PPP1R14A: variants seen among roughly 807,000 people sequenced by gnomAD.
PPP1R14A encodes the protein protein phosphatase 1 regulatory subunit 14A.
In PPP1R14A, 9 loss-of-function variants were observed where a neutral mutation model predicts 14.1. The observed-to-expected ratio is 0.64, with a 90% CI of 0.38 to 1.11. The LOEUF (loss-of-function observed/expected upper bound fraction) is 1.11, where lower values mean the gene tolerates loss of function less well. Ranked by LOEUF, PPP1R14A falls within the 50% of genes most tolerant of loss-of-function variation. PPP1R14A has a pLI of 0.01. For synonymous variants in PPP1R14A, 93 were observed against 88.7 expected, an observed-to-expected ratio of 1.05 and a Z score of -0.27; for missense variants, 208 against 200.7, an observed-to-expected ratio of 1.04 and a Z score of -0.22.
chr19:38,252,309 G>C lies in PPP1R14A; in HGVS notation c.312C>G (p.Val104=), dbSNP rs139659393. The stretch of plus-strand genomic sequence containing the variant: ...GAATGAGGGAGAGAAAACTCACCTC[G>C]ACAGGTTTCCCACATGACTTCAGGA... ...QGLLKSCGKP[V]EDFIQELLAK... The change falls in exon 3 of 4, where the codon GTC becomes GTG. Residue 104 remains valine, a synonymous_variant. Transcript: ENST00000301242. This position sits in a 1 kb window ranked among gnomAD's most constrained non-coding sequence, Gnocchi z 4.1. 3.7e-6 allele frequency: 6 copies of C among 1,612,072 alleles called. No homozygotes were observed. Among genetic ancestry groups the C allele is most frequent in the Non-Finnish European group, 1.7e-6 (2 of 1,179,202 alleles).
At chr19:38,253,720 C>T (rs1010784796) in intron 1 of PPP1R14A, among the ~76,000 whole-genome samples, 11 of 152,212 alleles carry the variant, frequency 7.2e-5, no homozygotes, top group Admixed American at 2.0e-4. Flanking sequence ...ACCCAAAGTC[C>T]GGCTGTCGGC....
chr19:38,252,439 T>G lies in PPP1R14A; in HGVS notation c.283-101A>C, dbSNP rs1381238267. 1.7e-6 allele frequency: 2 copies of G among 1,208,346 alleles called. No individual in the cohort carries two copies. Among genetic ancestry groups the G allele is most frequent in the African/African-American group, 3.0e-5 (2 of 66,594 alleles). 74.9% of individuals were successfully genotyped at this position (1,208,346 alleles called of 1,614,324 possible). A position where few individuals can be genotyped will look rare whatever the true frequency, so the allele number is the denominator to read the frequency against. On this transcript the variant is annotated intron_variant, in intron 2 of 3. Transcript: ENST00000301242. This position sits in a 1 kb window ranked among gnomAD's most constrained non-coding sequence, Gnocchi z 4.1. ...CAAAAGGCCCCAGCAGCAAGACAAA[T>G]GGAAGTCAGACTCCAGGGTGGACTG... is the stretch of plus-strand genomic sequence containing the variant.
chr19:38,253,735 G>A (rs1022975368), intron 1 of PPP1R14A, among the ~76,000 whole-genome samples: 1 of 152,216 alleles, frequency 6.6e-6, no homozygotes, highest in Non-Finnish European at 1.5e-5. Context: ...GTCGGCTTCA[G>A]GCCTGGGGCT....
rs1272451252 is a variant in PPP1R14A at position 38,256,080 on chromosome 19, GGTCTCCGCGCCCGGGCTCTATCT to G, written c.201+36_201+58del. The G allele has an allele frequency of 3.5e-6, 5 of 1,444,220 alleles. No individual in the cohort carries two copies. The highest frequency in any genetic ancestry group is 4.6e-6 in the Non-Finnish European group (5 of 1,080,934). The allele number at this position is 1,444,220 out of a possible 1,614,324, so 89.5% of individuals were successfully genotyped here. A position where few individuals can be genotyped will look rare whatever the true frequency, so the allele number is the denominator to read the frequency against. On this transcript the variant is annotated intron_variant, in intron 1 of 3. Coordinates refer to ENST00000301242, the MANE Select transcript of PPP1R14A (RefSeq NM_033256.3). This position sits in a 1 kb window ranked among gnomAD's most constrained non-coding sequence, Gnocchi z 5.7. The stretch of plus-strand genomic sequence containing the variant: ...GTGCACCGAGACCCCAAGGGCGTGG[GGTCTCCGCGCCCGGGCTCTATCT>G]GTCCCCGACCACCCCCGAGCCCTCC...
intron 1 of PPP1R14A, among the ~76,000 whole-genome samples, chr19:38,255,533 T>C (rs1968237177): frequency 6.6e-6 from 1 of 151,972 alleles, no homozygotes; most frequent in African/African-American, 2.4e-5. Context: ...TGTGTTCCAG[T>C]GGGGTTGTGC....
Position 38,252,914 on chromosome 19 carries a change from C to T in PPP1R14A, c.262G>A (p.Glu88Lys), listed in dbSNP as rs770813027. ...CCTACCTGGATTTTCCGGCTTCTCT[C>T]CTCTTCACTCTCTAACTCCAACAAT... ...DELLELESEEERSRKIQGLLK... is the reference protein window; with the variant it reads ...DELLELESEEKRSRKIQGLLK... Residue 88 changes from glutamate to lysine, a missense_variant, in exon 2 of 4, where the codon GAG (glutamate) becomes AAG (lysine). Transcript: ENST00000301242. This position sits in a 1 kb window ranked among gnomAD's most constrained non-coding sequence, Gnocchi z 4.1. 1 of 1,613,906 alleles carries T rather than the reference C, an allele frequency of 6.2e-7. No individual in the cohort carries two copies. The highest frequency in any genetic ancestry group is 8.5e-7 in the Non-Finnish European group (1 of 1,179,898).
Position 38,251,358 on chromosome 19 carries a change from A to T in PPP1R14A, c.404T>A (p.Leu135His). 6.5e-7 allele frequency: 1 copy of T among 1,549,434 alleles called. No individual in the cohort carries two copies. Among genetic ancestry groups the T allele is most frequent in the African/African-American group, 1.4e-5 (1 of 70,336 alleles). ...CCGGGCCCGGTCCTGGAGGGGGCTG[A>T]GGCTGCCGTCGTGGGAGGGGCTTGG... ...RQPSPSHDGS[L>H]SPLQDRARTA... is the part of the protein sequence containing the mutation. Residue 135 changes from leucine (L) to histidine (H), a missense_variant, in exon 4 of 4, where the codon CTC (leucine) becomes CAC (histidine). Transcript: ENST00000301242.
At chr19:38,251,559 G>A in intron 3 of PPP1R14A, 113 bp from the exon 4 acceptor site, 3 of 801,748 alleles carry the variant, frequency 3.7e-6, no homozygotes, top group Non-Finnish European at 5.6e-6. Context: ...ATTGTGGGGT[G>A]GGGGGAGTTA....
In PPP1R14A at chr19:38,256,350, G is replaced by A; in HGVS notation, c.-11C>T. 2.7e-6 allele frequency: 4 copies of A among 1,455,262 alleles called. No individual in the cohort carries two copies. The highest frequency in any genetic ancestry group is 3.6e-6 in the Non-Finnish European group (4 of 1,109,736). The allele number at this position is 1,455,262 out of a possible 1,614,324, so 90.1% of individuals were successfully genotyped here. On this transcript the variant is annotated 5_prime_UTR_variant, in exon 1 of 4. Coordinates refer to ENST00000301242, the MANE Select transcript of PPP1R14A (RefSeq NM_033256.3). This position sits in a 1 kb window ranked among gnomAD's most constrained non-coding sequence, Gnocchi z 5.7. The stretch of plus-strand genomic sequence containing the variant: ...CCGCTGAGCTGCCATCGCGCTGCTG[G>A]ACCCAGCCTGGCCCCGCGCTGTGCG...
At position 38,251,324 on chromosome 19, in the gene PPP1R14A, G is replaced by A; in HGVS notation, c.438C>T (p.His146=). 6.7e-7 allele frequency: 1 copy of A among 1,502,824 alleles called. No individual in the cohort carries two copies. Among genetic ancestry groups the A allele is most frequent in the South Asian group, 1.4e-5 (1 of 73,326 alleles). 93.1% of individuals were successfully genotyped at this position (1,502,824 alleles called of 1,614,324 possible). The change falls in exon 4 of 4, where the codon CAC becomes CAT. Residue 146 remains histidine, a synonymous_variant. Coordinates refer to ENST00000301242, the MANE Select transcript of PPP1R14A (RefSeq NM_033256.3). ...SPLQDRARTA[H]P ...CAGGGAGAGTGCAAGAGGGTCAGGG[G>A]TGAGCAGTCCGGGCCCGGTCCTGGA...
At position 38,256,373 on chromosome 19, in the gene PPP1R14A, G is replaced by A; in HGVS notation, c.-34C>T. 1.4e-6 allele frequency: 2 copies of A among 1,387,374 alleles called. No homozygotes were observed. Among genetic ancestry groups the A allele is most frequent in the Non-Finnish European group, 1.9e-6 (2 of 1,077,896 alleles). 85.9% of individuals were successfully genotyped at this position (1,387,374 alleles called of 1,614,324 possible). ...TGGACCCAGCCTGGCCCCGCGCTGT[G>A]CGCCTTCGCCTCGCGCCCCGGGTGC... On this transcript the variant is annotated 5_prime_UTR_variant, in exon 1 of 4. Transcript: ENST00000301242. This position sits in a 1 kb window ranked among gnomAD's most constrained non-coding sequence, Gnocchi z 5.7.
intron 1 of PPP1R14A, among the ~76,000 whole-genome samples, chr19:38,253,612 G>A (rs541979316): frequency 3.9e-5 from 6 of 152,310 alleles, no homozygotes; most frequent in South Asian, 2.1e-4. Flanking sequence ...TGGCCCAAGC[G>A]CAGGCTGGCT....
intron 1 of PPP1R14A, among the ~76,000 whole-genome samples, chr19:38,254,804 T>C (rs553274867): frequency 3.9e-5 from 6 of 152,272 alleles, no homozygotes; most frequent in African/African-American, 1.2e-4. Context: ...TTTGTTTGTT[T>C]GTTTTTGAGA....
rs766436373 is a variant in PPP1R14A at position 38,252,856 on chromosome 19, G to A, written c.282+38C>T. 4.8e-6 allele frequency: 7 copies of A among 1,456,722 alleles called. No homozygotes were observed. The East Asian group carries it at 9.1e-5, about 19-fold the overall frequency. The allele number at this position is 1,456,722 out of a possible 1,614,324, so 90.2% of individuals were successfully genotyped here. A position where few individuals can be genotyped will look rare whatever the true frequency, so the allele number is the denominator to read the frequency against. ...CTATTGCTATTATTTTTAGGGAGGTGCAAAGTGGGAGGCTGGGGGACACGT... is the reference window on the plus strand; with the variant it reads ...CTATTGCTATTATTTTTAGGGAGGTACAAAGTGGGAGGCTGGGGGACACGT... On this transcript the variant is annotated intron_variant, in intron 2 of 3. Coordinates refer to ENST00000301242, the MANE Select transcript of PPP1R14A (RefSeq NM_033256.3). The surrounding 1 kb of genome is among the most constrained non-coding windows in gnomAD (Gnocchi z 4.1).
In PPP1R14A at chr19:38,252,172, C is replaced by T. The variant is rs1443248742; in HGVS notation, c.315+134G>A. ...CACCCCTGGAGACCAGAAAGAGCTG[C>T]GGAGGGCAGGTTGGGGCCGGGGGTG... On this transcript the variant is annotated intron_variant, in intron 3 of 3. Transcript: ENST00000301242. The surrounding 1 kb of genome is among the most constrained non-coding windows in gnomAD (Gnocchi z 4.1). The T allele has an allele frequency of 5.4e-6, 4 of 742,184 alleles. No homozygotes were observed. In the Admixed American group the frequency reaches 6.8e-5, roughly 13 times the overall value. The allele number at this position is 742,184 out of a possible 1,614,324, so 46.0% of individuals were successfully genotyped here.
rs1164867515 is a variant in PPP1R14A at position 38,253,153 on chromosome 19, G to A, written c.202-179C>T. 1.9e-5 allele frequency: 11 copies of A among 592,642 alleles called. No homozygotes were observed. The Admixed American group carries it at 2.1e-4, about 11-fold the overall frequency. The allele number at this position is 592,642 out of a possible 1,614,324, so 36.7% of individuals were successfully genotyped here. A position where few individuals can be genotyped will look rare whatever the true frequency, so the allele number is the denominator to read the frequency against. ...CATCTGGGTGTTGGGGGGGAGGGGT[G>A]ACAGATGGGCTGAGAGAGCCCCGGG... On this transcript the variant is annotated intron_variant, in intron 1 of 3. Transcript: ENST00000301242.
In PPP1R14A at chr19:38,256,252, G is replaced by A; in HGVS notation, c.88C>T (p.Leu30=). 1 of 1,549,290 alleles carries A rather than the reference G, an allele frequency of 6.5e-7. No homozygotes were observed. The highest frequency in any genetic ancestry group is 8.7e-7 in the Non-Finnish European group (1 of 1,152,736). ...ARGPGGSPGG[L]QKRHARVTVK... ...GTGACGCGCGCGTGCCGCTTCTGCA[G>A]CCCCCCGGGACTGCCCCCTGGCCCG... Residue 30 remains leucine, a synonymous_variant, in exon 1 of 4, where the codon CTG becomes TTG. Transcript: ENST00000301242. This position sits in a 1 kb window ranked among gnomAD's most constrained non-coding sequence, Gnocchi z 5.7.
In PPP1R14A at chr19:38,251,673, A is replaced by G. The variant is rs556181813; in HGVS notation, c.316-227T>C. ...GAGAGAAAGAGCTAGGAAGAGAGAT[A>G]GAGATCCAAGGAGACAGATACGGAG... On this transcript the variant is annotated intron_variant, in intron 3 of 3. Coordinates refer to ENST00000301242, the MANE Select transcript of PPP1R14A (RefSeq NM_033256.3). Among the ~76,000 whole-genome samples the G allele has an allele frequency of 6.6e-5, 10 of 152,114 alleles. No homozygotes were observed. In the East Asian group the frequency reaches 1.9e-3, roughly 29 times the overall value.
rs143063503 is a variant in PPP1R14A, at chr19:38,252,179, C to T, written c.315+127G>A. The T allele has an allele frequency of 5.4e-3, 4,374 of 807,262 alleles. 58 individuals are homozygous for T. Among genetic ancestry groups the T allele is most frequent in the African/African-American group, 0.033 (1,883 of 57,410 alleles). The allele number at this position is 807,262 out of a possible 1,614,324, so 50.0% of individuals were successfully genotyped here. On this transcript the variant is annotated intron_variant, in intron 3 of 3. Transcript: ENST00000301242. The surrounding 1 kb of genome is among the most constrained non-coding windows in gnomAD (Gnocchi z 4.1). The stretch of plus-strand genomic sequence containing the variant: ...GGAGACCAGAAAGAGCTGCGGAGGG[C>T]AGGTTGGGGCCGGGGGTGGTGGGGC...
Sources: allele counts gnomAD v4.1 joint callset (sites outside exome capture counted in the v4.1 genomes callset), GRCh38; gene constraint gnomAD v4.1.1; non-coding constraint Gnocchi (gnomAD v3.1); transcripts MANE v1.5; gene names NCBI Gene and HGNC (gene_info 2026-07-23, HGNC 2026-07-21).